ANO2: variants seen among roughly 807,000 people sequenced by gnomAD.
The protein encoded by ANO2 is anoctamin-2.
Under a neutral mutation model 124.2 loss-of-function variants are expected in ANO2, and 101 were observed. That is an observed-to-expected ratio of 0.81 (90% CI 0.69 to 0.96). The LOEUF is 0.96. Ranked by LOEUF, ANO2 falls within the 40% of genes least tolerant of loss-of-function variation. The pLI, the probability that ANO2 is intolerant of heterozygous loss-of-function variation, is 0.00. For missense variants in ANO2, 1,293 were observed against 1,274.5 expected, an observed-to-expected ratio of 1.01 and a Z score of -0.22; for synonymous variants, 486 against 482.5, an observed-to-expected ratio of 1.01 and a Z score of -0.09.
At chr12:5,879,141 A>C (rs113558362) in intron 3 of ANO2, among the ~76,000 whole-genome samples, 2,968 of 152,286 alleles carry the variant, frequency 0.019, 89 homozygotes, top group African/African-American at 0.068. Context: ...GGATGGGGAA[A>C]AGGGAAAGGA....
rs1179420051 is a variant in ANO2 at position 5,919,923 on chromosome 12, T to C, written c.534+1117A>G. Among the ~76,000 whole-genome samples, 7 of 151,922 alleles carry C rather than the reference T, an allele frequency of 4.6e-5. No homozygotes were observed. In the East Asian group the frequency reaches 1.4e-3, roughly 30 times the overall value. On this transcript the variant is annotated intron_variant, in intron 3 of 24. Coordinates refer to ENST00000682330, the MANE Select transcript of ANO2 (RefSeq NM_001364791.2). ...CATGTTAGCCAGAATGATCTCGATC[T>C]CCTGACCTTGTGATCCGCCCGCCTC...
intron 3 of ANO2, among the ~76,000 whole-genome samples, chr12:5,902,995 G>A (rs1277688678): frequency 6.6e-6 from 1 of 150,898 alleles, no homozygotes; most frequent in African/African-American, 2.4e-5. Context: ...AGTCTTCCTA[G>A]GGACCATCCA....
At chr12:5,569,972 T>C (rs1279470343) in intron 23 of ANO2, among the ~76,000 whole-genome samples, 1 of 152,214 alleles carries the variant, frequency 6.6e-6, no homozygotes, top group Non-Finnish European at 1.5e-5. Context: ...AAAAGATGAA[T>C]GTAATTAATG....
chr12:5,842,725 T>A (rs1389928305), intron 4 of ANO2, among the ~76,000 whole-genome samples: 1 of 152,196 alleles, frequency 6.6e-6, no homozygotes, highest in Non-Finnish European at 1.5e-5. Flanking sequence ...AACGTCACTG[T>A]TTCTGGGCCC....
At chr12:5,830,336 C>G in intron 6 of ANO2, 99 bp downstream of exon 6, 2 of 1,233,714 alleles carry the variant, frequency 1.6e-6, no homozygotes, top group South Asian at 2.8e-5. Flanking sequence ...AAGCAAATAA[C>G]GGTGTGAGGT....
chr12:5,744,025 T>C (rs1951186392), intron 12 of ANO2, 132 bp downstream of exon 12: 1 of 1,092,482 alleles, frequency 9.2e-7, no homozygotes, highest in Middle Eastern at 3.1e-4. Flanking sequence ...AGTGTCATCC[T>C]TAAAATACTT....
At chr12:5,588,161 C>T (rs1943213569) in intron 20 of ANO2, among the ~76,000 whole-genome samples, 1 of 151,696 alleles carries the variant, frequency 6.6e-6, no homozygotes, top group Admixed American at 6.6e-5. Flanking sequence ...AAGACATGGG[C>T]CCTTCTGGAA....
intron 3 of ANO2, among the ~76,000 whole-genome samples, chr12:5,918,438 C>CTT (rs59787191): frequency 1.4e-4 from 17 of 118,932 alleles, no homozygotes; most frequent in Admixed American, 3.3e-4. Context: ...TAACTTGAAT[C>CTT]TTTTTTTTTT....
At chr12:5,923,268 A>ATG (rs1941919103) in intron 1 of ANO2, among the ~76,000 whole-genome samples, 2 of 112,268 alleles carry the variant, frequency 1.8e-5, no homozygotes, top group Non-Finnish European at 3.2e-5. Flanking sequence ...ACACACACAC[A>ATG]CACACACACA....
intron 10 of ANO2, among the ~76,000 whole-genome samples, chr12:5,783,615 A>C (rs1285277373): frequency 2.0e-5 from 3 of 152,232 alleles, no homozygotes; most frequent in Non-Finnish European, 4.4e-5. Flanking sequence ...ACCAGGTAAC[A>C]GGTAATGTTA....
At chr12:5,798,824 T>A (rs1952951126) in intron 10 of ANO2, among the ~76,000 whole-genome samples, 1 of 152,246 alleles carries the variant, frequency 6.6e-6, no homozygotes, top group African/African-American at 2.4e-5. Flanking sequence ...TGTCACACAG[T>A]GCTGCCGCCC....
At chr12:5,889,358 G>A (rs536626459) in intron 3 of ANO2, among the ~76,000 whole-genome samples, 14 of 152,384 alleles carry the variant, frequency 9.2e-5, no homozygotes, top group Admixed American at 5.9e-4. Flanking sequence ...GAGAGCGAGC[G>A]AGGGCTGCAA....
At chr12:5,903,416 T>G (rs1489746426) in intron 3 of ANO2, among the ~76,000 whole-genome samples, 1 of 152,230 alleles carries the variant, frequency 6.6e-6, no homozygotes, top group Non-Finnish European at 1.5e-5. Flanking sequence ...TGTGCCATCC[T>G]TCTTCAAAAC....
chr12:5,867,750 G>A (rs1955463862), intron 3 of ANO2, among the ~76,000 whole-genome samples: 1 of 105,664 alleles, frequency 9.5e-6, no homozygotes, highest in South Asian at 3.0e-4. Flanking sequence ...ACTAATCAGG[G>A]ACACAGAAAA....
At chr12:5,885,734 G>C (rs144062458) in intron 3 of ANO2, among the ~76,000 whole-genome samples, 1 of 152,272 alleles carries the variant, frequency 6.6e-6, no homozygotes, top group East Asian at 1.9e-4. Flanking sequence ...TCCTTAATGA[G>C]CCATGATGGG....
intron 14 of ANO2, among the ~76,000 whole-genome samples, chr12:5,681,484 A>T (rs557520349): frequency 6.6e-6 from 1 of 152,330 alleles, no homozygotes; most frequent in South Asian, 2.1e-4. Flanking sequence ...CAAGGTCCTT[A>T]AGGAGTTTTT....
chr12:5,594,430 A>G (rs1943560541), intron 20 of ANO2, among the ~76,000 whole-genome samples: 1 of 152,188 alleles, frequency 6.6e-6, no homozygotes, highest in Non-Finnish European at 1.5e-5. Flanking sequence ...CAACTACTTC[A>G]TATGGTCTGA....
intron 1 of ANO2, among the ~76,000 whole-genome samples, chr12:5,930,539 C>G (rs1266590701): frequency 1.3e-5 from 2 of 151,996 alleles, no homozygotes; most frequent in East Asian, 3.9e-4. Flanking sequence ...AACCATGGTC[C>G]TGCTGAAGGC....
chr12:5,565,681 TG>T lies in ANO2; in HGVS notation c.2622-19del, dbSNP rs1466433003. 1.9e-6 allele frequency: 3 copies of T among 1,565,942 alleles called. No homozygotes were observed. In the African/African-American group the frequency reaches 4.1e-5, roughly 21 times the overall value. On this transcript the variant is annotated intron_variant, in intron 23 of 24. Transcript: ENST00000682330. Reference sequence around the variant, plus strand: ...CCTTAAACCTGCCCAAAGAGAAATGTGGTGTTAAGATCAGGAGCGCATGGAG... The same window carrying T: ...CCTTAAACCTGCCCAAAGAGAAATGTGTGTTAAGATCAGGAGCGCATGGAG...
Sources: gnomAD v4.1 joint callset for allele counts (sites outside exome capture counted in the v4.1 genomes callset) on GRCh38, gnomAD v4.1.1 for gene constraint, MANE v1.5 for transcripts, NCBI Gene and HGNC (gene_info 2026-07-23, HGNC 2026-07-21) for gene names.